The following COL17A1 variants were observed in gnomAD, a reference collection of about 807,000 sequenced individuals.
The protein encoded by COL17A1 is collagen alpha-1(XVII) chain.
In COL17A1, 181 loss-of-function variants were observed where a neutral mutation model predicts 218.4. The ratio of observed to expected loss-of-function variants is 0.83; its 90% CI spans 0.73 to 0.94. The LOEUF (loss-of-function observed/expected upper bound fraction) is 0.94, where lower values mean the gene tolerates loss of function less well. Among genes scored for constraint, COL17A1 ranks in the 40% least tolerant of loss-of-function variants. COL17A1 has a pLI of 0.00. For missense variants in COL17A1, 1,924 were observed against 1,945.9 expected, an observed-to-expected ratio of 0.99 and a Z score of 0.21; for synonymous variants, 721 against 731.0, an observed-to-expected ratio of 0.99 and a Z score of 0.22.
chr10:104,082,121 T>C (rs2086769887), intron 1 of COL17A1, among the ~76,000 whole-genome samples: 1 of 152,170 alleles, frequency 6.6e-6, no homozygotes, highest in South Asian at 2.1e-4. Flanking sequence ...TGCTCGTTGG[T>C]GTTTTTCAAA....
Position 104,040,385 on chromosome 10 carries a change from G to T in COL17A1, c.2727C>A (p.Gly909=). 6.2e-7 allele frequency: 1 copy of T among 1,611,264 alleles called. No individual in the cohort carries two copies. The highest frequency in any genetic ancestry group is 8.5e-7 in the Non-Finnish European group (1 of 1,177,440). Residue 909 remains glycine, a synonymous_variant, in exon 40 of 56, where the codon GGC becomes GGA. Transcript: ENST00000648076. The stretch of plus-strand genomic sequence containing the variant: ...CCTTGGGACCTGGGGGGCCAGGTGG[G>T]CCTGGGGGGCCGGAGAGGAAGGTTT... ...NSETFLSGPP[G]PPGPPGPKGD...
chr10:104,045,267 C>T (rs191578888), intron 33 of COL17A1, among the ~76,000 whole-genome samples: 75 of 152,316 alleles, frequency 4.9e-4, no homozygotes, highest in African/African-American at 1.7e-3. Context: ...TCTTAACACT[C>T]CTCTCTGCCT....
chr10:104,049,269 A>T (rs749772206), intron 29 of COL17A1, 140 bp downstream of exon 29: 2 of 779,448 alleles, frequency 2.6e-6, no homozygotes, highest in Non-Finnish European at 4.5e-6. Flanking sequence ...CAGACACAGA[A>T]ATGACTGGTC....
Position 104,034,126 on chromosome 10 carries a change from A to T in COL17A1, c.3975T>A (p.Gly1325=), listed in dbSNP as rs554562204. 4 of 1,614,004 alleles carry T rather than the reference A, an allele frequency of 2.5e-6. No homozygotes were observed. In the African/African-American group the frequency reaches 4.0e-5, roughly 16 times the overall value. The part of the protein sequence containing the change: ...GGGAGSLGAG[G]AFGEAAGDRG... ...TGTCTCCTGCAGCTTCACCAAAGGC[A>T]CCGCCTGCACCCAGGGAGCCTGCAC... Residue 1325 remains glycine (G), a synonymous_variant, in exon 52 of 56, where the codon GGT becomes GGA. Coordinates refer to ENST00000648076, the MANE Select transcript of COL17A1 (RefSeq NM_000494.4).
intron 10 of COL17A1, 56 bp downstream of exon 10, chr10:104,064,382 G>A: frequency 6.2e-7 from 1 of 1,612,602 alleles, no homozygotes; most frequent in Non-Finnish European, 8.5e-7. Flanking sequence ...CCAGCTCCAG[G>A]ATAGAGGCAT....
chr10:104,061,270 G>A (rs28679481), intron 13 of COL17A1, 135 bp downstream of exon 13: 8,654 of 850,974 alleles, frequency 0.01, 76 homozygotes, highest in African/African-American at 0.029. Flanking sequence ...GCGTTTGCAG[G>A]CCTAAGACCA....
At chr10:104,047,713 A>G (rs752600397) in intron 31 of COL17A1, 26 bp downstream of exon 31, 8 of 1,600,542 alleles carry the variant, frequency 5.0e-6, no homozygotes, top group Non-Finnish European at 6.9e-6. Context: ...AAGCAGGGCC[A>G]TGGCTCCCTC....
At position 104,048,124 on chromosome 10, in the gene COL17A1, G is replaced by C. The variant is rs367967846; in HGVS notation, c.2228-20C>G. 6.2e-7 allele frequency: 1 copy of C among 1,614,048 alleles called. No homozygotes were observed. Among genetic ancestry groups the C allele is most frequent in the Non-Finnish European group, 8.5e-7 (1 of 1,179,900 alleles). ...CAGGACCTGGTAAAGTAGAAGCAAG[G>C]TCTCTCAGTTGCTCCTGGAGTGATT... On this transcript the variant is annotated intron_variant, in intron 29 of 55. Coordinates refer to ENST00000648076, the MANE Select transcript of COL17A1 (RefSeq NM_000494.4).
Position 104,037,715 on chromosome 10 carries a change from G to T in COL17A1, c.3129C>A (p.Pro1043=), listed in dbSNP as rs766940415. The T allele has an allele frequency of 6.2e-7, 1 of 1,614,146 alleles. No individual in the cohort carries two copies. Among genetic ancestry groups the T allele is most frequent in the Non-Finnish European group, 8.5e-7 (1 of 1,180,006 alleles). ...GVQGPPGPPG[P]PGPVTTITGE... is the part of the protein sequence containing the mutation. ...CTGTGATGGTGGTGACAGGTCCTGG[G>T]GGACCAGGTGGGCCTGGGGGACCCT... The change falls in exon 46 of 56, where the codon CCC becomes CCA. Residue 1043 remains proline, a synonymous_variant. Transcript: ENST00000648076.
rs530391456 is a variant in COL17A1, at chr10:104,076,792, T to G, written c.203-363A>C. On this transcript the variant is annotated intron_variant, in intron 4 of 55. Coordinates refer to ENST00000648076, the MANE Select transcript of COL17A1 (RefSeq NM_000494.4). ...TGTTCTAATGTCTTGGGGCTTCCTT[T>G]TTAGTCTTACTTCCAAGTATTTTAA... Among the ~76,000 whole-genome samples, 20 of 152,324 alleles carry G rather than the reference T, an allele frequency of 1.3e-4. No homozygotes were observed. In the East Asian group the frequency reaches 3.7e-3, roughly 28 times the overall value.
chr10:104,049,303 GC>G (rs1383173969), intron 29 of COL17A1, 105 bp downstream of exon 29: 1 of 1,003,360 alleles, frequency 1.0e-6, no homozygotes, highest in African/African-American at 1.6e-5. Flanking sequence ...CCAGGAGTGG[GC>G]AGATTAGAGA....
chr10:104,033,952 GCT>G lies in COL17A1; in HGVS notation c.4147_4148del (p.Ser1383HisfsTer71). The G allele has an allele frequency of 6.2e-7, 1 of 1,614,174 alleles. No individual in the cohort carries two copies. The highest frequency in any genetic ancestry group is 1.1e-5 in the South Asian group (1 of 91,086). ...CTAAATGTCCCCACTTACGCTGCAT[GCT>G]CTCTGACACCCTCACAGCCAGCTCA... The part of the protein sequence containing the change: ...YNELAVRVSE[S>X]MQRQGLLQGM... On this transcript the variant is annotated frameshift_variant, in exon 52 of 56. Coordinates refer to ENST00000648076, the MANE Select transcript of COL17A1 (RefSeq NM_000494.4). LOFTEE classifies it high-confidence loss of function.
chr10:104,081,465 G>A (rs1044307231), intron 1 of COL17A1, among the ~76,000 whole-genome samples: 8 of 152,202 alleles, frequency 5.3e-5, no homozygotes, highest in African/African-American at 1.4e-4. Flanking sequence ...AGGCAGGGCT[G>A]TTGCCAAACG....
chr10:104,074,958 G>A (rs950255932), intron 5 of COL17A1, among the ~76,000 whole-genome samples: 4 of 152,184 alleles, frequency 2.6e-5, no homozygotes, highest in African/African-American at 9.7e-5. Flanking sequence ...CCTTAGTAAT[G>A]GAACTCAGGT....
At position 104,046,759 on chromosome 10, in the gene COL17A1, G is replaced by A; in HGVS notation, c.2350C>T (p.Gln784Ter). ...DPGKPGLTGP[Q>*]GPQGLPGTPG... is the part of the protein sequence containing the mutation. ...TCCAGCGACTCACCCTGAGGTCCCT[G>A]GGGTCCTGTGAGACCTGCAGAAAAT... Residue 784 changes from glutamine to a stop codon, truncating the protein, a stop_gained, in exon 32 of 56, where the codon CAG becomes TAG. Coordinates refer to ENST00000648076, the MANE Select transcript of COL17A1 (RefSeq NM_000494.4). LOFTEE classifies it high-confidence loss of function. 6.2e-7 allele frequency: 1 copy of A among 1,613,920 alleles called. No homozygotes were observed. The highest frequency in any genetic ancestry group is 8.5e-7 in the Non-Finnish European group (1 of 1,179,884).
At chr10:104,078,165 T>G (rs183859394) in intron 3 of COL17A1, among the ~76,000 whole-genome samples, 3 of 152,192 alleles carry the variant, frequency 2.0e-5, no homozygotes, top group Non-Finnish European at 4.4e-5. Flanking sequence ...CCCCAATCCT[T>G]GTTCAGGTTA....
At chr10:104,042,277 C>T (rs1180052746) in intron 36 of COL17A1, 143 bp downstream of exon 36, 2 of 822,934 alleles carry the variant, frequency 2.4e-6, no homozygotes, top group Non-Finnish European at 3.9e-6. Flanking sequence ...CTTGCAAGAC[C>T]CCGGTGAAGA....
At chr10:104,074,484 G>A (rs982666585) in intron 5 of COL17A1, among the ~76,000 whole-genome samples, 1 of 152,196 alleles carries the variant, frequency 6.6e-6, no homozygotes, top group African/African-American at 2.4e-5. Flanking sequence ...GATGAACAAA[G>A]GAGAGCAGGA....
chr10:104,059,719 C>T lies in COL17A1; in HGVS notation c.1142-1G>A, dbSNP rs113218289. The T allele has an allele frequency of 1.3e-5, 21 of 1,614,002 alleles. No homozygotes were observed. The South Asian group carries it at 2.2e-4, about 17-fold the overall frequency. On this transcript the variant is annotated splice_acceptor_variant, in intron 14 of 55. Transcript: ENST00000648076. LOFTEE classifies it high-confidence loss of function. ...TTTAGGGTGTCTTCTGAAAAAGAAG[C>T]TATGTACAGAACCCATTATAACCTG...
Sources: gnomAD v4.1 joint callset for allele counts (sites outside exome capture counted in the v4.1 genomes callset) on GRCh38, gnomAD v4.1.1 for gene constraint, MANE v1.5 for transcripts, NCBI Gene and HGNC (gene_info 2026-07-23, HGNC 2026-07-21) for gene names.